Variants in RNF24 observed in about 807,000 individuals in gnomAD.
The protein encoded by RNF24 is ring finger protein 24.
Under a neutral mutation model 20.0 loss-of-function variants are expected in RNF24, and 14 were observed. The observed-to-expected ratio is 0.70, with a 90% CI of 0.46 to 1.10. RNF24 has a LOEUF of 1.10. Ranked by LOEUF, RNF24 falls within the 50% of genes least tolerant of loss-of-function variation. The pLI is 0.00. For missense variants in RNF24, 124 were observed against 177.6 expected, an observed-to-expected ratio of 0.70 and a Z score of 1.71; for synonymous variants, 45 against 61.1, an observed-to-expected ratio of 0.74 and a Z score of 1.23.
rs2090842910 is a variant in RNF24 at position 3,933,029 on chromosome 20, A to C, written c.*1034T>G. 3.0e-6 allele frequency: 1 copy of C among 334,388 alleles called. No homozygotes were observed. The highest frequency in any genetic ancestry group is 1.5e-4 in the South Asian group (1 of 6,586). The allele number at this position is 334,388 out of a possible 1,614,324, so 20.7% of individuals were successfully genotyped here. A position where few individuals can be genotyped will look rare whatever the true frequency, so the allele number is the denominator to read the frequency against. ...AGCTTCAGAATTACACAGGGATCTT[A>C]TTTGGGATAAAGTGTTAAAAAGTGA... On this transcript the variant is annotated 3_prime_UTR_variant, in exon 6 of 6. Transcript: ENST00000358395.
chr20:3,968,543 A>C (rs1403947540), intron 1 of RNF24, among the ~76,000 whole-genome samples: 1 of 152,168 alleles, frequency 6.6e-6, no homozygotes, highest in Non-Finnish European at 1.5e-5. Context: ...ACTTGAGCCC[A>C]GGAATTCAAG....
At chr20:3,952,953 A>G (rs540530162) in intron 2 of RNF24, among the ~76,000 whole-genome samples, 10 of 152,292 alleles carry the variant, frequency 6.6e-5, no homozygotes, top group African/African-American at 2.4e-4. Flanking sequence ...GGATCGGTCT[A>G]TAATTTCCTT....
At chr20:3,945,913 A>C (rs2091010997) in intron 3 of RNF24, among the ~76,000 whole-genome samples, 1 of 152,122 alleles carries the variant, frequency 6.6e-6, no homozygotes, top group Admixed American at 6.6e-5. Flanking sequence ...TTTGAGGGAA[A>C]ATCTCTAAAT....
At chr20:3,969,774 T>A (rs1156668037) in intron 1 of RNF24, among the ~76,000 whole-genome samples, 1 of 24,678 alleles carries the variant, frequency 4.1e-5, no homozygotes, top group Non-Finnish European at 9.7e-5. Flanking sequence ...CTGAAATCTG[T>A]TTTTTTTTTT....
At chr20:3,989,053 T>C (rs992767165) in intron 1 of RNF24, among the ~76,000 whole-genome samples, 3 of 152,208 alleles carry the variant, frequency 2.0e-5, no homozygotes, top group Admixed American at 6.5e-5. Flanking sequence ...GATGTCAATT[T>C]TCCTTAAATC....
At chr20:3,969,667 C>G (rs913429154) in intron 1 of RNF24, among the ~76,000 whole-genome samples, 3 of 152,084 alleles carry the variant, frequency 2.0e-5, no homozygotes, top group Admixed American at 1.3e-4. Context: ...CCAGCAAAGG[C>G]TGAAGGCAGA....
At chr20:3,967,613 G>A (rs1006506007) in intron 1 of RNF24, among the ~76,000 whole-genome samples, 1 of 152,142 alleles carries the variant, frequency 6.6e-6, no homozygotes, top group Admixed American at 6.5e-5. Context: ...AAGCATGCTT[G>A]GTAGCCACAT....
chr20:3,977,864 A>G (rs1322211652), intron 1 of RNF24, among the ~76,000 whole-genome samples: 1 of 139,986 alleles, frequency 7.1e-6, no homozygotes, highest in Non-Finnish European at 1.6e-5. Flanking sequence ...ACTCCGTCTC[A>G]AAAAAAAAAA....
intron 2 of RNF24, among the ~76,000 whole-genome samples, chr20:3,957,449 C>A (rs1275868732): frequency 7.9e-6 from 1 of 125,872 alleles, no homozygotes; most frequent in Non-Finnish European, 1.8e-5. Context: ...CAGGCTGAGA[C>A]CCTGTCTCAA....
intron 1 of RNF24, among the ~76,000 whole-genome samples, chr20:3,987,953 T>G (rs1452519169): frequency 6.6e-6 from 1 of 152,092 alleles, no homozygotes; most frequent in African/African-American, 2.4e-5. Flanking sequence ...TCCAGATGTA[T>G]AGGTAACTAA....
intron 1 of RNF24, among the ~76,000 whole-genome samples, chr20:3,983,751 G>A (rs1006753597): frequency 7.2e-5 from 11 of 151,832 alleles, no homozygotes; most frequent in African/African-American, 2.7e-4. Flanking sequence ...GACCAGCCTA[G>A]CCAACATGGT....
chr20:3,933,165 TCATCCAGCC>T lies in RNF24; in HGVS notation c.*889_*897del. 2.6e-6 allele frequency: 1 copy of T among 390,694 alleles called. No homozygotes were observed. The allele number at this position is 390,694 out of a possible 1,614,324, so 24.2% of individuals were successfully genotyped here. On this transcript the variant is annotated 3_prime_UTR_variant, in exon 6 of 6. Transcript: ENST00000358395. ...AGAGGCCAAAGGGTCGGCATTCCCT[TCATCCAGCC>T]GGGCCAGAAGTATGGGCCATTCTCA...
At chr20:3,999,243 G>A (rs1003029699) in intron 1 of RNF24, among the ~76,000 whole-genome samples, 7 of 152,150 alleles carry the variant, frequency 4.6e-5, no homozygotes, top group African/African-American at 1.2e-4. Context: ...GTCCTATAGA[G>A]TTGCACATTA....
chr20:4,013,008 G>GTT (rs561431099), intron 1 of RNF24, among the ~76,000 whole-genome samples: 2 of 143,256 alleles, frequency 1.4e-5, no homozygotes, highest in Non-Finnish European at 1.5e-5. Context: ...TAAAGCTCTT[G>GTT]TTTTTTTTTT....
At chr20:3,963,791 C>T (rs2091228324) in intron 2 of RNF24, 84 bp downstream of exon 2, 4 of 1,229,028 alleles carry the variant, frequency 3.3e-6, no homozygotes, top group African/African-American at 1.5e-5. Context: ...TATCATACTT[C>T]ATTTTAAAAA....
Position 3,929,726 on chromosome 20 carries a change from A to C in RNF24, c.*4337T>G, listed in dbSNP as rs2090792426. 2 of 152,366 alleles carry C rather than the reference A, an allele frequency of 1.3e-5. No homozygotes were observed. Among genetic ancestry groups the C allele is most frequent in the South Asian group, 4.1e-4 (2 of 4,830 alleles). 9.4% of individuals were successfully genotyped at this position (152,366 alleles called of 1,614,324 possible). ...CCACTGCTGTCAGCTACAGAGCCTG[A>C]TCTTGAGCATCCTGTCGCAGATAGA... is the stretch of plus-strand genomic sequence containing the variant. On this transcript the variant is annotated 3_prime_UTR_variant, in exon 6 of 6. Coordinates refer to ENST00000358395, the MANE Select transcript of RNF24 (RefSeq NM_001134337.3).
intron 1 of RNF24, among the ~76,000 whole-genome samples, chr20:4,000,678 C>T (rs1172493412): frequency 6.6e-6 from 1 of 152,148 alleles, no homozygotes; most frequent in African/African-American, 2.4e-5. Context: ...AAGCTGGCTG[C>T]ATAACTGAAC....
intron 1 of RNF24, among the ~76,000 whole-genome samples, chr20:3,979,349 C>G (rs1979190253): frequency 6.6e-6 from 1 of 151,914 alleles, no homozygotes; most frequent in South Asian, 2.1e-4. Context: ...CAAAAGGAAA[C>G]TACTTATAAA....
chr20:3,991,773 G>T (rs924862012), intron 1 of RNF24, among the ~76,000 whole-genome samples: 2 of 152,036 alleles, frequency 1.3e-5, no homozygotes, highest in African/African-American at 2.4e-5. Flanking sequence ...ATCATTTAAT[G>T]ATCATTTTAA....
Sources: gnomAD v4.1 joint callset for allele counts (sites outside exome capture counted in the v4.1 genomes callset) on GRCh38, gnomAD v4.1.1 for gene constraint, MANE v1.5 for transcripts, NCBI Gene and HGNC (gene_info 2026-07-23, HGNC 2026-07-21) for gene names.